The following RBMS3 variants were observed in gnomAD, a reference collection of about 807,000 sequenced individuals.
RBMS3 encodes RNA-binding motif, single-stranded-interacting protein 3.
In RBMS3, 27 loss-of-function variants were observed where a neutral mutation model predicts 66.8. The observed-to-expected ratio is 0.40, with a 90% CI of 0.30 to 0.56. The LOEUF (loss-of-function observed/expected upper bound fraction) is 0.56, where lower values mean the gene tolerates loss of function less well. RBMS3 is among the 20% of genes least tolerant of loss of function. RBMS3 has a pLI of 0.40. For synonymous variants in RBMS3, 188 were observed against 183.0 expected, an observed-to-expected ratio of 1.03 and a Z score of -0.22; for missense variants, 513 against 549.5, an observed-to-expected ratio of 0.93 and a Z score of 0.66.
intron 4 of RBMS3, among the ~76,000 whole-genome samples, chr3:29,641,744 G>C (rs2049723975): frequency 6.6e-6 from 1 of 151,920 alleles, no homozygotes; most frequent in African/African-American, 2.4e-5. Flanking sequence ...ATTCACTGAG[G>C]TAACATTTGT....
intron 14 of RBMS3, among the ~76,000 whole-genome samples, chr3:30,002,665 T>C (rs1008540830): frequency 2.0e-5 from 3 of 152,018 alleles, no homozygotes; most frequent in Non-Finnish European, 4.4e-5. Context: ...TTGATAAAAA[T>C]TGAATATTCG....
chr3:29,898,607 A>G (rs901360749), intron 9 of RBMS3, among the ~76,000 whole-genome samples: 18 of 151,518 alleles, frequency 1.2e-4, no homozygotes, highest in Admixed American at 7.3e-4. Context: ...AATGGAATAG[A>G]TTTTCATTTG....
At chr3:29,903,531 T>A (rs2060304405) in intron 10 of RBMS3, among the ~76,000 whole-genome samples, 1 of 152,024 alleles carries the variant, frequency 6.6e-6, no homozygotes, top group Non-Finnish European at 1.5e-5. Context: ...GTATGTTACA[T>A]TGCAATGTCA....
chr3:29,443,379 A>G (rs1009699298), intron 2 of RBMS3, among the ~76,000 whole-genome samples: 1 of 152,010 alleles, frequency 6.6e-6, no homozygotes, highest in Non-Finnish European at 1.5e-5. Context: ...GTTTTTCCAT[A>G]TAATTTGCAT....
At chr3:29,591,369 A>G (rs1354895075) in intron 4 of RBMS3, among the ~76,000 whole-genome samples, 1 of 152,194 alleles carries the variant, frequency 6.6e-6, no homozygotes, top group Non-Finnish European at 1.5e-5. Context: ...GCAATGTAGA[A>G]TGACATAGAA....
intron 3 of RBMS3, among the ~76,000 whole-genome samples, chr3:29,523,263 G>A (rs542086266): frequency 8.8e-4 from 134 of 152,270 alleles, no homozygotes; most frequent in Non-Finnish European, 1.6e-3. Context: ...TAGTGGGCAC[G>A]ACGTAGCAGG....
At chr3:29,518,031 A>C (rs141927109) in intron 3 of RBMS3, among the ~76,000 whole-genome samples, 1 of 152,206 alleles carries the variant, frequency 6.6e-6, no homozygotes, top group Non-Finnish European at 1.5e-5. Context: ...CCTGTTGTGC[A>C]TAAGTAAGAG....
At chr3:29,357,660 C>T (rs1279626272) in intron 1 of RBMS3, among the ~76,000 whole-genome samples, 1 of 152,194 alleles carries the variant, frequency 6.6e-6, no homozygotes, top group African/African-American at 2.4e-5. Flanking sequence ...TTTACAGTCC[C>T]ACCAACAGTG....
At chr3:29,624,358 C>T (rs2048980093) in intron 4 of RBMS3, among the ~76,000 whole-genome samples, 1 of 152,134 alleles carries the variant, frequency 6.6e-6, no homozygotes, top group Non-Finnish European at 1.5e-5. Context: ...TTTTTTAAAG[C>T]TTTGTTGCTA....
At chr3:29,440,253 C>A (rs942730125) in intron 2 of RBMS3, among the ~76,000 whole-genome samples, 2 of 152,120 alleles carry the variant, frequency 1.3e-5, no homozygotes, top group African/African-American at 4.8e-5. Context: ...TTTTATCTAA[C>A]CATTTTGTGG....
chr3:29,289,725 A>G (rs553086910), intron 1 of RBMS3, among the ~76,000 whole-genome samples: 10 of 152,002 alleles, frequency 6.6e-5, no homozygotes, highest in African/African-American at 2.4e-4. Context: ...TGTGGAAAGT[A>G]AGGTATAATA....
chr3:29,384,429 T>TAAGAAG (rs1336272827), intron 1 of RBMS3, among the ~76,000 whole-genome samples: 31 of 95,974 alleles, frequency 3.2e-4, no homozygotes, highest in East Asian at 1.6e-3. Context: ...ATAATAATAA[T>TAAGAAG]AATAATAAGA....
At chr3:29,619,514 A>AT (rs2048794100) in intron 4 of RBMS3, among the ~76,000 whole-genome samples, 1 of 152,144 alleles carries the variant, frequency 6.6e-6, no homozygotes, top group African/African-American at 2.4e-5. Flanking sequence ...TCTTTTTAAG[A>AT]CACCAGATGG....
chr3:29,934,087 C>T (rs1028682244), intron 10 of RBMS3: 2 of 152,038 alleles, frequency 1.3e-5, no homozygotes, highest in African/African-American at 2.4e-5. Context: ...CCTTACCAAA[C>T]GCAGTTTGGT....
intron 4 of RBMS3, chr3:29,698,331 T>C (rs1169984510): frequency 4.1e-6 from 4 of 985,286 alleles, no homozygotes; most frequent in Non-Finnish European, 4.8e-6. Context: ...TTTGCTTTTA[T>C]TGGAATAATA....
At chr3:29,283,126 G>C (rs1277817926) in intron 1 of RBMS3, among the ~76,000 whole-genome samples, 1 of 152,082 alleles carries the variant, frequency 6.6e-6, no homozygotes, top group Non-Finnish European at 1.5e-5. Flanking sequence ...AAATGGCAGA[G>C]CAAGGACAAG....
intron 3 of RBMS3, among the ~76,000 whole-genome samples, chr3:29,517,424 G>A (rs375736355): frequency 9.9e-5 from 15 of 151,342 alleles, no homozygotes; most frequent in African/African-American, 2.7e-4. Context: ...CCAGGTTTAC[G>A]CCATTCTCCT....
At chr3:29,382,745 C>T (rs373610910) in intron 1 of RBMS3, among the ~76,000 whole-genome samples, 3 of 152,212 alleles carry the variant, frequency 2.0e-5, no homozygotes, top group South Asian at 4.2e-4. Flanking sequence ...TCGTTTATAT[C>T]CCCTTTCTAT....
At chr3:29,564,451 G>A (rs536558794) in intron 3 of RBMS3, among the ~76,000 whole-genome samples, 8 of 149,580 alleles carry the variant, frequency 5.3e-5, no homozygotes, top group East Asian at 3.9e-4. Flanking sequence ...GTGCTATTGC[G>A]CTCCAGCCTG....
Sources: allele counts gnomAD v4.1 joint callset (sites outside exome capture counted in the v4.1 genomes callset), GRCh38; gene constraint gnomAD v4.1.1; transcripts MANE v1.5; gene names NCBI Gene and HGNC (gene_info 2026-07-23, HGNC 2026-07-21).